CD36: variants seen among roughly 807,000 people sequenced by gnomAD.
CD36 encodes the protein CD36 molecule (CD36 blood group), also known as platelet glycoprotein 4.
A neutral mutation model predicts 55.2 loss-of-function variants in CD36; 119 were observed. The ratio of observed to expected loss-of-function variants is 2.15; its 90% CI spans 1.86 to 2.51. The LOEUF (loss-of-function observed/expected upper bound fraction) is 2.51, where lower values mean the gene tolerates loss of function less well. Ranked by LOEUF, CD36 falls within the 30% of genes most tolerant of loss-of-function variation. The probability of loss-of-function intolerance (pLI) is 0.00; values close to 1 mark genes in which losing one functional copy is unlikely to be tolerated. For missense variants in CD36, 819 were observed against 555.5 expected (o/e 1.47, Z -4.77); for synonymous variants, 186 against 193.6 (o/e 0.96, Z 0.33).
chr7:80,646,307 A>G (rs1795162482), intron 2 of CD36, 126 bp downstream of exon 2: 1 of 229,226 alleles, frequency 4.4e-6, no homozygotes, highest in Admixed American at 5.2e-5. Flanking sequence ...GGGTGGAGAA[A>G]CCAGATAGTG....
intron 7 of CD36, chr7:80,666,227 A>T: frequency 2.0e-6 from 1 of 501,936 alleles, no homozygotes. Flanking sequence ...GGCAGTTTTT[A>T]TTTTATGATC....
intron 3 of CD36, among the ~76,000 whole-genome samples, chr7:80,653,703 T>C (rs1456268141): frequency 6.6e-6 from 1 of 152,210 alleles, no homozygotes; most frequent in Non-Finnish European, 1.5e-5. Flanking sequence ...AAATTCAATT[T>C]AAAATCAAGT....
At chr7:80,656,467 G>A in intron 3 of CD36, 73 bp from the exon 4 acceptor site, 1 of 1,407,636 alleles carries the variant, frequency 7.1e-7, no homozygotes, top group Non-Finnish European at 1.0e-6. Context: ...CTGACTCAAG[G>A]CTGCAAACAA....
At chr7:80,633,196 G>A (rs1185247241) in intron 1 of CD36, 5 of 151,670 alleles carry the variant, frequency 3.3e-5, no homozygotes, top group African/African-American at 1.2e-4. Context: ...TTCCTACTTA[G>A]AGAATTGTTT....
chr7:80,665,309 T>A (rs1358689953), intron 7 of CD36, among the ~76,000 whole-genome samples: 1 of 152,038 alleles, frequency 6.6e-6, no homozygotes, highest in Non-Finnish European at 1.5e-5. Context: ...TTCTTCTCCA[T>A]AAAATTAACA....
intron 1 of CD36, among the ~76,000 whole-genome samples, chr7:80,615,750 T>C (rs1793113985): frequency 6.6e-6 from 1 of 152,194 alleles, no homozygotes; most frequent in African/African-American, 2.4e-5. Context: ...CTCTTCAGAA[T>C]TTCTCCCAAA....
intron 1 of CD36, among the ~76,000 whole-genome samples, chr7:80,639,222 A>G (rs1252699291): frequency 6.6e-6 from 1 of 151,920 alleles, no homozygotes; most frequent in Non-Finnish European, 1.5e-5. Flanking sequence ...TTAATTTTCA[A>G]TCTGAATTGC....
upstream of CD36, among the ~76,000 whole-genome samples, chr7:80,637,495 T>G (rs1394082365): frequency 6.6e-6 from 1 of 152,032 alleles, no homozygotes; most frequent in East Asian, 1.9e-4. Context: ...TTTTATGACT[T>G]ATTTTTTAAA....
intron 1 of CD36, among the ~76,000 whole-genome samples, chr7:80,621,395 TATCTC>T (rs1793462831): frequency 6.6e-6 from 1 of 152,196 alleles, no homozygotes; most frequent in Non-Finnish European, 1.5e-5. Context: ...TTTCTAGTGT[TATCTC>T]ATCTGTAAAC....
At chr7:80,623,119 GTATT>G (rs1344712661) in intron 1 of CD36, among the ~76,000 whole-genome samples, 7 of 151,200 alleles carry the variant, frequency 4.6e-5, no homozygotes, top group African/African-American at 9.7e-5. Context: ...CTCATTGTTA[GTATT>G]TATTATACCA....
chr7:80,675,885 G>A (rs1478784850), intron 14 of CD36, among the ~76,000 whole-genome samples: 2 of 152,040 alleles, frequency 1.3e-5, no homozygotes, highest in Non-Finnish European at 2.9e-5. Context: ...AATGGAACTT[G>A]GTCTGAAGGG....
upstream of CD36, among the ~76,000 whole-genome samples, chr7:80,634,182 G>C (rs1794250114): frequency 6.6e-6 from 1 of 152,016 alleles, no homozygotes. Flanking sequence ...AGTAAGGAGA[G>C]ATGATTATTC....
chr7:80,666,602 T>C (rs993481977), intron 8 of CD36, 113 bp downstream of exon 8: 1 of 792,812 alleles, frequency 1.3e-6, no homozygotes, highest in Admixed American at 1.8e-5. Context: ...CTTGCCTTTA[T>C]ATCCCCACAA....
intron 1 of CD36, among the ~76,000 whole-genome samples, chr7:80,614,726 T>C (rs746186382): frequency 2.0e-5 from 3 of 152,134 alleles, no homozygotes; most frequent in Non-Finnish European, 2.9e-5. Flanking sequence ...CAGTTTATAA[T>C]GTGAAGTGGG....
intron 1 of CD36, among the ~76,000 whole-genome samples, chr7:80,604,380 T>TTTTTTTTTTTC (rs1792423090): frequency 9.1e-6 from 1 of 109,406 alleles, no homozygotes; most frequent in African/African-American, 4.5e-5. Context: ...TTTTTTTTTT[T>TTTTTTTTTTTC]TTTTTTTTTT....
At chr7:80,627,343 G>C (rs1793798118) in intron 1 of CD36, among the ~76,000 whole-genome samples, 1 of 152,048 alleles carries the variant, frequency 6.6e-6, no homozygotes, top group Non-Finnish European at 1.5e-5. Context: ...AGTACAAAGA[G>C]AGAACTTAGG....
In CD36 at chr7:80,656,659, C is replaced by G. The variant is rs776269710; in HGVS notation, c.240C>G (p.Ser80Arg). 1 of 1,613,680 alleles carries G rather than the reference C, an allele frequency of 6.2e-7. No homozygotes were observed. Among genetic ancestry groups the G allele is most frequent in the Non-Finnish European group, 8.5e-7 (1 of 1,179,744 alleles). ...VQNPQEVMMNSSNIQVKQRGP... is the reference protein window; with the variant it reads ...VQNPQEVMMNRSNIQVKQRGP... The stretch of plus-strand genomic sequence containing the variant: ...ATCCACAGGAAGTGATGATGAACAG[C>G]AGCAACATTCAAGTTAAGCAAAGAG... The change falls in exon 4 of 15, where the codon AGC becomes AGG. Residue 80 changes from serine (S) to arginine (R), a missense_variant. Coordinates refer to ENST00000447544, the MANE Select transcript of CD36 (RefSeq NM_001001548.3).
chr7:80,664,282 A>G, intron 6 of CD36, 124 bp from the exon 7 acceptor site: 1 of 665,286 alleles, frequency 1.5e-6, no homozygotes, highest in Non-Finnish European at 2.8e-6. Context: ...AAAAAAATGT[A>G]TTGCAGATGT....
At chr7:80,628,731 A>AC (rs1793893382) in intron 1 of CD36, among the ~76,000 whole-genome samples, 1 of 152,016 alleles carries the variant, frequency 6.6e-6, no homozygotes, top group Non-Finnish European at 1.5e-5. Context: ...CCATCTACCC[A>AC]CGGTAGTCAG....
Sources: gnomAD v4.1 joint callset for allele counts (sites outside exome capture counted in the v4.1 genomes callset) on GRCh38, gnomAD v4.1.1 for gene constraint, MANE v1.5 for transcripts, NCBI Gene and HGNC (gene_info 2026-07-23, HGNC 2026-07-21) for gene names.